IMMP2L: variants seen among roughly 807,000 people sequenced by gnomAD.
IMMP2L encodes mitochondrial inner membrane protease subunit 2.
IMMP2L carries 18 observed loss-of-function variants against 19.3 expected under a neutral mutation model. The observed-to-expected ratio is 0.93, with a 90% CI of 0.64 to 1.38. The LOEUF is 1.38. Among genes scored for constraint, IMMP2L ranks in the 40% most tolerant of loss-of-function variants. IMMP2L has a pLI of 0.00. For missense variants in IMMP2L, 233 were observed against 218.2 expected (o/e 1.07, Z -0.43); for synonymous variants, 76 against 73.0 (o/e 1.04, Z -0.21).
chr7:110,789,564 T>C lies in IMMP2L; in HGVS notation c.408+97029A>G, dbSNP rs555235678. 6.0e-4 allele frequency among the ~76,000 whole-genome samples: 91 copies of C among 151,842 alleles called. 1 individual carries two copies. The South Asian group carries it at 0.018, about 29-fold the overall frequency. On this transcript the variant is annotated intron_variant, in intron 5 of 5. Transcript: ENST00000405709. ...CCCTTATTGTCTACTCTCAACACAA[T>C]AGAAAGAGTACTTCTCTAAAAGTAT... is the stretch of plus-strand genomic sequence containing the variant.
intron 3 of IMMP2L, among the ~76,000 whole-genome samples, chr7:110,988,999 G>A (rs541274654): frequency 6.6e-6 from 1 of 152,216 alleles, no homozygotes; most frequent in Non-Finnish European, 1.5e-5. Flanking sequence ...CACTTTGGGG[G>A]ACCGAGGCGG....
intron 3 of IMMP2L, among the ~76,000 whole-genome samples, chr7:111,265,521 G>A (rs558234180): frequency 1.9e-4 from 29 of 152,230 alleles, no homozygotes; most frequent in African/African-American, 6.7e-4. Flanking sequence ...GGTGAGCAAG[G>A]ACAAAGGAAT....
At chr7:111,506,035 A>T (rs1000033360) in intron 2 of IMMP2L, among the ~76,000 whole-genome samples, 4 of 151,936 alleles carry the variant, frequency 2.6e-5, no homozygotes, top group African/African-American at 9.7e-5. Context: ...GCTTCTTGGG[A>T]GGCGGGAGGA....
intron 3 of IMMP2L, among the ~76,000 whole-genome samples, chr7:111,059,026 C>A (rs533506048): frequency 6.6e-6 from 1 of 151,800 alleles, no homozygotes; most frequent in African/African-American, 2.4e-5. Context: ...ACTGTCGCTG[C>A]GGCTGGAGTG....
chr7:110,858,066 T>A (rs1806991244), intron 5 of IMMP2L, among the ~76,000 whole-genome samples: 1 of 152,116 alleles, frequency 6.6e-6, no homozygotes, highest in Non-Finnish European at 1.5e-5. Context: ...AGCAAATTTG[T>A]TTCTGCCCTT....
intron 3 of IMMP2L, among the ~76,000 whole-genome samples, chr7:111,443,982 T>C (rs147616310): frequency 6.6e-6 from 1 of 152,218 alleles, no homozygotes; most frequent in Non-Finnish European, 1.5e-5. Context: ...AGGTGAAAAA[T>C]GTTTAAATAG....
intron 5 of IMMP2L, among the ~76,000 whole-genome samples, chr7:110,813,205 T>C (rs1477059342): frequency 2.0e-5 from 3 of 152,102 alleles, no homozygotes; most frequent in African/African-American, 4.8e-5. Context: ...CTTATTTTTA[T>C]ACTTTATTCA....
chr7:111,454,857 A>C (rs1260363584), intron 3 of IMMP2L, among the ~76,000 whole-genome samples: 1 of 152,070 alleles, frequency 6.6e-6, no homozygotes, highest in East Asian at 1.9e-4. Context: ...TGAATGATTA[A>C]GGGAGAAACC....
At chr7:111,079,107 G>A (rs1389727029) in intron 3 of IMMP2L, among the ~76,000 whole-genome samples, 2 of 151,742 alleles carry the variant, frequency 1.3e-5, no homozygotes, top group African/African-American at 4.8e-5. Context: ...AATTAAATAT[G>A]ACATTAATTT....
chr7:110,713,283 C>T (rs1360754551), intron 5 of IMMP2L, among the ~76,000 whole-genome samples: 1 of 152,138 alleles, frequency 6.6e-6, no homozygotes, highest in Non-Finnish European at 1.5e-5. Context: ...TGTTTTTGTA[C>T]TAGTACCATG....
intron 3 of IMMP2L, among the ~76,000 whole-genome samples, chr7:110,986,821 T>TA (rs79747185): frequency 0.13 from 17,874 of 132,794 alleles, 1,307 homozygotes; most frequent in East Asian, 0.24. Context: ...TCTTAGTTAG[T>TA]AAAAAAAAAA....
chr7:111,075,623 T>G (rs1428497077), intron 3 of IMMP2L, among the ~76,000 whole-genome samples: 1 of 152,176 alleles, frequency 6.6e-6, no homozygotes, highest in Admixed American at 6.5e-5. Context: ...TTCTTTTTGC[T>G]GGTTGCTCTT....
intron 3 of IMMP2L, among the ~76,000 whole-genome samples, chr7:111,093,475 C>T (rs1027022674): frequency 6.6e-6 from 1 of 152,190 alleles, no homozygotes; most frequent in African/African-American, 2.4e-5. Context: ...TATAATGTAG[C>T]ATTGCAGTAT....
At chr7:111,004,588 GAT>G (rs1215126131) in intron 3 of IMMP2L, among the ~76,000 whole-genome samples, 3 of 15,326 alleles carry the variant, frequency 2.0e-4, no homozygotes, top group African/African-American at 1.5e-3. Context: ...TAGATCTTCT[GAT>G]GAGAAACTCA....
chr7:110,872,523 C>A (rs1363010858), intron 5 of IMMP2L, among the ~76,000 whole-genome samples: 1 of 152,140 alleles, frequency 6.6e-6, no homozygotes, highest in Non-Finnish European at 1.5e-5. Context: ...GTACTGGCAT[C>A]AACAAGATAA....
chr7:111,099,158 C>T (rs1000106734), intron 3 of IMMP2L, among the ~76,000 whole-genome samples: 1 of 151,698 alleles, frequency 6.6e-6, no homozygotes, highest in Non-Finnish European at 1.5e-5. Context: ...CATACTTCTT[C>T]ACCTGAGGTC....
chr7:110,935,927 T>G (rs1816056128), intron 4 of IMMP2L, among the ~76,000 whole-genome samples: 1 of 152,026 alleles, frequency 6.6e-6, no homozygotes. Context: ...TTGACAAACC[T>G]GACAAAAGCA....
intron 3 of IMMP2L, among the ~76,000 whole-genome samples, chr7:111,008,469 A>T (rs1824544767): frequency 6.6e-6 from 1 of 151,928 alleles, no homozygotes. Flanking sequence ...GTATTAGAAA[A>T]ATCTTCCCTG....
chr7:111,424,629 A>G (rs1835895337), intron 3 of IMMP2L, among the ~76,000 whole-genome samples: 1 of 151,856 alleles, frequency 6.6e-6, no homozygotes, highest in Admixed American at 6.6e-5. Flanking sequence ...CATGCTACTT[A>G]AAACTATATC....
Sources: allele counts gnomAD v4.1 joint callset (sites outside exome capture counted in the v4.1 genomes callset), GRCh38; gene constraint gnomAD v4.1.1; transcripts MANE v1.5; gene names NCBI Gene and HGNC (gene_info 2026-07-23, HGNC 2026-07-21).